Variants in FAM107B observed in about 807,000 individuals in gnomAD.
FAM107B encodes family with sequence similarity 107 member B.
Under a neutral mutation model 31.5 loss-of-function variants are expected in FAM107B, and 21 were observed. The ratio of observed to expected loss-of-function variants is 0.67; its 90% CI spans 0.47 to 0.96. The LOEUF is 0.96. Among genes scored for constraint, FAM107B ranks in the 40% least tolerant of loss-of-function variants. The pLI is 0.00. For synonymous variants in FAM107B, 157 were observed against 141.5 expected, an observed-to-expected ratio of 1.11 and a Z score of -0.78; for missense variants, 452 against 377.1, an observed-to-expected ratio of 1.20 and a Z score of -1.64.
intron 1 of FAM107B, among the ~76,000 whole-genome samples, chr10:14,690,804 T>A (rs1015323662): frequency 3.3e-5 from 5 of 152,096 alleles, no homozygotes; most frequent in African/African-American, 1.2e-4. Flanking sequence ...GAGGGCCATC[T>A]GTTTCCTGCT....
In FAM107B at chr10:14,774,576, A is replaced by G. The variant is rs1270416281; in HGVS notation, c.88T>C (p.Cys30Arg). 1 of 1,614,226 alleles carries G rather than the reference A, an allele frequency of 6.2e-7. No homozygotes were observed. The highest frequency in any genetic ancestry group is 8.5e-7 in the Non-Finnish European group (1 of 1,180,036). Residue 30 changes from cysteine to arginine, a missense_variant, in exon 1 of 5, where the codon TGT becomes CGT. Physicochemically the swap from Cys to Arg is radical, Grantham distance 180. Transcript: ENST00000181796. The stretch of plus-strand genomic sequence containing the variant: ...GCACTCTCCCTCGTATTCCCAAAAC[A>G]GGCGAGCAGAGCTGAGCACGGAAAT... The part of the protein sequence containing the change: ...HPFPCSALLA[C>R]FGNTRESASF...
In FAM107B at chr10:14,521,016, A is replaced by G. The variant is rs902161143; in HGVS notation, c.*174T>C. Reference sequence around the variant, plus strand: ...CCTTCATTTGGCGAATAGGAACTGCAACTGTCACAGGCAAGGCATCCACCC... The same window carrying G: ...CCTTCATTTGGCGAATAGGAACTGCGACTGTCACAGGCAAGGCATCCACCC... On this transcript the variant is annotated 3_prime_UTR_variant, in exon 5 of 5. Transcript: ENST00000181796. 4 of 583,866 alleles carry G rather than the reference A, an allele frequency of 6.9e-6. No homozygotes were observed. In the African/African-American group the frequency reaches 7.6e-5, roughly 11 times the overall value. The allele number at this position is 583,866 out of a possible 1,614,324, so 36.2% of individuals were successfully genotyped here.
intron 2 of FAM107B, among the ~76,000 whole-genome samples, chr10:14,658,798 G>A (rs1245132615): frequency 2.0e-5 from 3 of 152,146 alleles, no homozygotes; most frequent in East Asian, 3.8e-4. Flanking sequence ...CTCCATCCTA[G>A]GCATTCATTA....
chr10:14,630,517 A>G (rs1202287970), intron 2 of FAM107B, among the ~76,000 whole-genome samples: 1 of 151,828 alleles, frequency 6.6e-6, no homozygotes. Context: ...GTTTAAAAGT[A>G]GTCAGTTCTA....
At chr10:14,602,828 T>C (rs1460364469) in intron 2 of FAM107B, 4 of 152,242 alleles carry the variant, frequency 2.6e-5, no homozygotes, top group Non-Finnish European at 5.9e-5. Flanking sequence ...TTCTCCCTTC[T>C]GTACAGGTGG....
chr10:14,656,345 T>C (rs1854054495), intron 2 of FAM107B, among the ~76,000 whole-genome samples: 1 of 152,250 alleles, frequency 6.6e-6, no homozygotes, highest in African/African-American at 2.4e-5. Flanking sequence ...CAGGAAAACA[T>C]GGGTAAATTG....
At chr10:14,692,977 T>A (rs79070362) in intron 1 of FAM107B, among the ~76,000 whole-genome samples, 1 of 152,188 alleles carries the variant, frequency 6.6e-6, no homozygotes, top group African/African-American at 2.4e-5. Context: ...TGACGATCCA[T>A]GCAAAAATCG....
At chr10:14,536,243 T>TTCTAAACAATC (rs1348957077) in intron 2 of FAM107B, among the ~76,000 whole-genome samples, 3 of 152,220 alleles carry the variant, frequency 2.0e-5, no homozygotes, top group Non-Finnish European at 4.4e-5. Flanking sequence ...CTTGAATCCT[T>TTCTAAACAATC]TCTAAAACAA....
chr10:14,623,687 G>T (rs932768911), intron 2 of FAM107B, among the ~76,000 whole-genome samples: 1 of 152,154 alleles, frequency 6.6e-6, no homozygotes, highest in Admixed American at 6.5e-5. Context: ...TTAGCTGGGC[G>T]TGGTAGTGCA....
At chr10:14,639,036 A>T (rs1470825544) in intron 2 of FAM107B, among the ~76,000 whole-genome samples, 2 of 151,996 alleles carry the variant, frequency 1.3e-5, no homozygotes, top group Non-Finnish European at 2.9e-5. Flanking sequence ...ATAAAAAATT[A>T]AAAAATTTGC....
intron 1 of FAM107B, chr10:14,723,139 C>T (rs1402333343): frequency 3.8e-5 from 17 of 446,896 alleles, no homozygotes; most frequent in Non-Finnish European, 4.8e-5. Context: ...CTTGTGTCCA[C>T]GTTGCTTAAG....
chr10:14,563,577 T>C (rs951151876), intron 2 of FAM107B, among the ~76,000 whole-genome samples: 2 of 151,968 alleles, frequency 1.3e-5, no homozygotes, highest in Admixed American at 1.3e-4. Flanking sequence ...CAAATTTTAA[T>C]GTAACAGAGT....
intron 1 of FAM107B, among the ~76,000 whole-genome samples, chr10:14,738,920 T>C (rs1394374089): frequency 6.6e-6 from 1 of 152,146 alleles, no homozygotes; most frequent in Non-Finnish European, 1.5e-5. Context: ...GGTCAGGAAT[T>C]TGGAAAGGAC....
chr10:14,530,979 T>C (rs1846922606), intron 2 of FAM107B, among the ~76,000 whole-genome samples: 1 of 152,222 alleles, frequency 6.6e-6, no homozygotes, highest in South Asian at 2.1e-4. Flanking sequence ...TTACTGGAGT[T>C]TGTTAAATAT....
At chr10:14,700,837 A>G (rs1855381567) in intron 1 of FAM107B, among the ~76,000 whole-genome samples, 1 of 150,248 alleles carries the variant, frequency 6.7e-6, no homozygotes, top group Non-Finnish European at 1.5e-5. Flanking sequence ...CAAAAAAAAA[A>G]AAAAAAAAAA....
At chr10:14,632,655 A>C (rs1020574503) in intron 2 of FAM107B, among the ~76,000 whole-genome samples, 1 of 152,002 alleles carries the variant, frequency 6.6e-6, no homozygotes, top group African/African-American at 2.4e-5. Flanking sequence ...TCGTCTAAGA[A>C]TTATTACGTA....
chr10:14,534,313 T>C (rs1432649895), intron 2 of FAM107B, among the ~76,000 whole-genome samples: 1 of 152,076 alleles, frequency 6.6e-6, no homozygotes, highest in Admixed American at 6.6e-5. Context: ...CTCAGGGCAG[T>C]GGTGGTGGCG....
At chr10:14,645,953 C>T (rs987868489) in intron 2 of FAM107B, among the ~76,000 whole-genome samples, 2 of 152,130 alleles carry the variant, frequency 1.3e-5, no homozygotes, top group African/African-American at 2.4e-5. Context: ...GTGTTGGAAA[C>T]AAGCCCTCGA....
At chr10:14,603,917 AGGGCTCCCCC>A (rs1293942951) in intron 2 of FAM107B, among the ~76,000 whole-genome samples, 3 of 150,494 alleles carry the variant, frequency 2.0e-5, no homozygotes, top group African/African-American at 7.3e-5. Context: ...CGCGCCGGGT[AGGGCTCCCCC>A]GCGGCAGCGC....
Sources: allele counts gnomAD v4.1 joint callset (sites outside exome capture counted in the v4.1 genomes callset), GRCh38; gene constraint gnomAD v4.1.1; transcripts MANE v1.5; gene names NCBI Gene and HGNC (gene_info 2026-07-23, HGNC 2026-07-21).